The following TGOLN2 variants were observed in gnomAD, a reference collection of about 807,000 sequenced individuals.
TGOLN2 encodes the protein trans-Golgi network integral membrane protein 2.
TGOLN2 carries 19 observed loss-of-function variants against 31.3 expected under a neutral mutation model. The observed-to-expected ratio is 0.61, with a 90% confidence interval of 0.42 to 0.89. The LOEUF (loss-of-function observed/expected upper bound fraction) is 0.89. Among genes scored for constraint, TGOLN2 ranks in the 40% least tolerant of loss-of-function variants. The probability of loss-of-function intolerance (pLI) is 0.00; values close to 1 mark genes in which losing one functional copy is unlikely to be tolerated. For missense variants in TGOLN2, 540 were observed against 559.2 expected (o/e 0.97, Z 0.35); for synonymous variants, 222 against 226.7 (o/e 0.98, Z 0.19).
rs1682562100 is a variant in TGOLN2, at chr2:85,321,912, T to A, written c.*824A>T. 1 of 152,244 alleles carries A rather than the reference T, an allele frequency of 6.6e-6. No individual in the cohort carries two copies. The highest frequency in any genetic ancestry group is 2.1e-4 in the South Asian group (1 of 4,834). 9.4% of individuals were successfully genotyped at this position (152,244 alleles called of 1,614,324 possible). A position where few individuals can be genotyped will look rare whatever the true frequency, so the allele number is the denominator to read the frequency against. On this transcript the variant is annotated 3_prime_UTR_variant, in exon 4 of 4. Transcript: ENST00000377386. ...AGTATGATTGTGTGAAAGATCACAC[T>A]ACTTCAAATCATATTTATTTTAAAA...
At position 85,319,510 on chromosome 2, in the gene TGOLN2, C is replaced by T. The variant is rs1682478568; in HGVS notation, c.*3226G>A. On this transcript the variant is annotated 3_prime_UTR_variant, in exon 4 of 4. Coordinates refer to ENST00000377386, the MANE Select transcript of TGOLN2 (RefSeq NM_006464.4). The stretch of plus-strand genomic sequence containing the variant: ...GCAATTTCTAAAGAGAAACTTAAAT[C>T]CTGTTGTATTCTTTCAACACAAGCA... 1 of 152,082 alleles carries T rather than the reference C, an allele frequency of 6.6e-6. No homozygotes were observed. The highest frequency in any genetic ancestry group is 2.4e-5 in the African/African-American group (1 of 41,408). The allele number at this position is 152,082 out of a possible 1,614,324, so 9.4% of individuals were successfully genotyped here. A position where few individuals can be genotyped will look rare whatever the true frequency, so the allele number is the denominator to read the frequency against.
rs758478197 is a variant in TGOLN2 at position 85,324,912 on chromosome 2, T to C, written c.1308+3A>G. The C allele has an allele frequency of 7.1e-6, 11 of 1,553,816 alleles. No individual in the cohort carries two copies. The South Asian group carries it at 1.1e-4, about 15-fold the overall frequency. On this transcript the variant is annotated splice_donor_region_variant and intron_variant, in intron 3 of 3. Coordinates refer to ENST00000377386, the MANE Select transcript of TGOLN2 (RefSeq NM_006464.4). The stretch of plus-strand genomic sequence containing the variant: ...CCCATGGACCTGGCTCCTCCTTCCT[T>C]ACCTTCTGGTCCAAACGTTGGTAGT...
At chr2:85,324,818 A>G in intron 3 of TGOLN2, 97 bp downstream of exon 3, 2 of 1,114,816 alleles carry the variant, frequency 1.8e-6, no homozygotes, top group South Asian at 2.7e-5. Flanking sequence ...AGAATCAGCC[A>G]CTGCTGCTTC....
Position 85,320,442 on chromosome 2 carries a change from A to T in TGOLN2, c.*2294T>A, listed in dbSNP as rs918670797. 1 of 152,170 alleles carries T rather than the reference A, an allele frequency of 6.6e-6. No homozygotes were observed. The highest frequency in any genetic ancestry group is 2.4e-5 in the African/African-American group (1 of 41,434). 9.4% of individuals were successfully genotyped at this position (152,170 alleles called of 1,614,324 possible). A position where few individuals can be genotyped will look rare whatever the true frequency, so the allele number is the denominator to read the frequency against. On this transcript the variant is annotated 3_prime_UTR_variant, in exon 4 of 4. Coordinates refer to ENST00000377386, the MANE Select transcript of TGOLN2 (RefSeq NM_006464.4). ...GAAAATGGAAAGACTGTAGCTGAGG[A>T]TCTTTTATTAAAAAAAAATGGATGG... is the stretch of plus-strand genomic sequence containing the variant.
chr2:85,320,476 T>G lies in TGOLN2; in HGVS notation c.*2260A>C. 6.6e-6 allele frequency: 1 copy of G among 150,906 alleles called. No homozygotes were observed. The highest frequency in any genetic ancestry group is 1.5e-5 in the Non-Finnish European group (1 of 67,774). 9.3% of individuals were successfully genotyped at this position (150,906 alleles called of 1,614,324 possible). A position where few individuals can be genotyped will look rare whatever the true frequency, so the allele number is the denominator to read the frequency against. On this transcript the variant is annotated 3_prime_UTR_variant, in exon 4 of 4. Transcript: ENST00000377386. ...TAAAAAAAAATGGATGGGACTTTGG[T>G]GATGAGAGAGAAAAAGGGCAAAAGT... is the stretch of plus-strand genomic sequence containing the variant.
rs1415257993 is a variant in TGOLN2 at position 85,321,435 on chromosome 2, C to T, written c.*1301G>A. Reference sequence around the variant, plus strand: ...AATTCATCTTATTTCCCTCATCTCCCAAGTTATTTGTATTTCCCTGAGATC... The same window carrying T: ...AATTCATCTTATTTCCCTCATCTCCTAAGTTATTTGTATTTCCCTGAGATC... On this transcript the variant is annotated 3_prime_UTR_variant, in exon 4 of 4. Transcript: ENST00000377386. 2 of 152,618 alleles carry T rather than the reference C, an allele frequency of 1.3e-5. No individual in the cohort carries two copies. The highest frequency in any genetic ancestry group is 6.5e-5 in the Admixed American group (1 of 15,278). The allele number at this position is 152,618 out of a possible 1,614,324, so 9.5% of individuals were successfully genotyped here. A position where few individuals can be genotyped will look rare whatever the true frequency, so the allele number is the denominator to read the frequency against.
chr2:85,327,170 T>A lies in TGOLN2; in HGVS notation c.562A>T (p.Thr188Ser). 8.7e-6 allele frequency: 14 copies of A among 1,613,562 alleles called. No individual in the cohort carries two copies. Among genetic ancestry groups the A allele is most frequent in the Non-Finnish European group, 1.2e-5 (14 of 1,179,796 alleles). The change falls in exon 2 of 4, where the codon ACC becomes TCC. Residue 188 changes from threonine (T) to serine (S), a missense_variant. Thr to Ser is a moderately conservative substitution (Grantham distance 58, BLOSUM62 1). Coordinates refer to ENST00000377386, the MANE Select transcript of TGOLN2 (RefSeq NM_006464.4). ...GACTTGCTGGAGCCGTCTTTTGGGG[T>A]CTGGCCGTCCGCACCCGACTTATTA... ...VPNKSGADGQ[T>S]PKDGSSKSGA...
Position 85,326,862 on chromosome 2 carries a change from A to G in TGOLN2, c.870T>C (p.Ser290=). The part of the protein sequence containing the change: ...TNQLADKGKL[S]PHAFKTESGE... ...CAGATTCGGTTTTGAAAGCATGAGG[A>G]GAAAGCTTCCCTTTGTCAGCAAGCT... The change falls in exon 2 of 4, where the codon TCT becomes TCC. Residue 290 remains serine, a synonymous_variant. Coordinates refer to ENST00000377386, the MANE Select transcript of TGOLN2 (RefSeq NM_006464.4). 1 of 1,614,026 alleles carries G rather than the reference A, an allele frequency of 6.2e-7. No individual in the cohort carries two copies. Among genetic ancestry groups the G allele is most frequent in the East Asian group, 2.2e-5 (1 of 44,890 alleles).
At chr2:85,323,606 T>TAG (rs1378124887) in intron 3 of TGOLN2, among the ~76,000 whole-genome samples, 1 of 152,156 alleles carries the variant, frequency 6.6e-6, no homozygotes, top group Non-Finnish European at 1.5e-5. Flanking sequence ...GGAAAACCCT[T>TAG]AAAGTCAATT....
chr2:85,327,798 G>GT, intron 1 of TGOLN2, 113 bp from the exon 2 acceptor site: 3 of 1,473,582 alleles, frequency 2.0e-6, no homozygotes, highest in Non-Finnish European at 2.8e-6. Context: ...GGTGGGGCGG[G>GT]AGACGATGGC....
In TGOLN2 at chr2:85,326,543, C is replaced by A. The variant is rs1223540378; in HGVS notation, c.1189G>T (p.Ala397Ser). 6.2e-7 allele frequency: 1 copy of A among 1,613,768 alleles called. No homozygotes were observed. Among genetic ancestry groups the A allele is most frequent in the East Asian group, 2.2e-5 (1 of 44,894 alleles). The part of the protein sequence containing the change: ...AYLVTAAILV[A>S]VLYIAHHNKR... ...TTGTGATGAGCGATATAGAGGACAG[C>A]CACAAGAATGGCTGCAGTCACCAGA... The change falls in exon 2 of 4, where the codon GCT (alanine) becomes TCT (serine). Residue 397 changes from alanine (A) to serine (S), a missense_variant. By Grantham distance (99) the Ala-to-Ser change is moderately conservative. Coordinates refer to ENST00000377386, the MANE Select transcript of TGOLN2 (RefSeq NM_006464.4).
At chr2:85,325,274 G>A (rs1310604601) in intron 2 of TGOLN2, among the ~76,000 whole-genome samples, 1 of 152,080 alleles carries the variant, frequency 6.6e-6, no homozygotes, top group African/African-American at 2.4e-5. Context: ...TTATTCAAAG[G>A]TACACAGTCA....
rs1210359575 is a variant in TGOLN2 at position 85,322,625 on chromosome 2, C to A, written c.*111G>T. 3.2e-6 allele frequency: 5 copies of A among 1,562,018 alleles called. No individual in the cohort carries two copies. Among genetic ancestry groups the A allele is most frequent in the Non-Finnish European group, 4.3e-6 (5 of 1,161,488 alleles). The stretch of plus-strand genomic sequence containing the variant: ...TTCTTCATTTCTTTTGATTTAGAAA[C>A]AAATCAGCAGGGAGGACAAGGTTCT... On this transcript the variant is annotated 3_prime_UTR_variant, in exon 4 of 4. Coordinates refer to ENST00000377386, the MANE Select transcript of TGOLN2 (RefSeq NM_006464.4).
intron 2 of TGOLN2, 36 bp from the exon 3 acceptor site, chr2:85,325,034 C>T: frequency 6.5e-7 from 1 of 1,543,130 alleles, no homozygotes; most frequent in Non-Finnish European, 8.8e-7. Context: ...TAACAGGTGG[C>T]TCTGTAATGA....
Position 85,322,221 on chromosome 2 carries a change from C to G in TGOLN2, c.*515G>C, listed in dbSNP as rs1001134820. The G allele has an allele frequency of 3.1e-4, 53 of 168,550 alleles. No homozygotes were observed. Among genetic ancestry groups the G allele is most frequent in the Admixed American group, 1.9e-3 (29 of 15,414 alleles). The allele number at this position is 168,550 out of a possible 1,614,324, so 10.4% of individuals were successfully genotyped here. ...CTTCTATGTCTTCTGTAGGGCACAT[C>G]CCCCCCAAAGTAAGAGGCCTTAGTA... On this transcript the variant is annotated 3_prime_UTR_variant, in exon 4 of 4. Coordinates refer to ENST00000377386, the MANE Select transcript of TGOLN2 (RefSeq NM_006464.4).
Position 85,326,775 on chromosome 2 carries a change from C to T in TGOLN2, c.957G>A (p.Glu319=), listed in dbSNP as rs1247849886. ...CTTCAGCCTCTTTGGGCTCCACATC[C>T]TCAGTAGGCTCTGAAGACTTAACTT... is the stretch of plus-strand genomic sequence containing the variant. The part of the protein sequence containing the change: ...QEEVKSSEPT[E]DVEPKEAEDD... Residue 319 remains glutamate (E), a synonymous_variant, in exon 2 of 4, where the codon GAG becomes GAA. Transcript: ENST00000377386. 6.2e-7 allele frequency: 1 copy of T among 1,614,052 alleles called. No homozygotes were observed. The highest frequency in any genetic ancestry group is 8.5e-7 in the Non-Finnish European group (1 of 1,179,900).
chr2:85,326,535 G>A lies in TGOLN2; in HGVS notation c.1197C>T (p.Leu399=). 3 of 1,613,900 alleles carry A rather than the reference G, an allele frequency of 1.9e-6. No homozygotes were observed. Among genetic ancestry groups the A allele is most frequent in the Non-Finnish European group, 2.5e-6 (3 of 1,179,894 alleles). Residue 399 remains leucine (L), a synonymous_variant, in exon 2 of 4, where the codon CTC becomes CTT. Transcript: ENST00000377386. The part of the protein sequence containing the change: ...LVTAAILVAV[L]YIAHHNKRKI... ...TCCGCTTGTTGTGATGAGCGATATA[G>A]AGGACAGCCACAAGAATGGCTGCAG...
Position 85,327,032 on chromosome 2 carries a change from C to A in TGOLN2, c.700G>T (p.Gly234Trp). 6.4e-7 allele frequency: 1 copy of A among 1,560,086 alleles called. No individual in the cohort carries two copies. The highest frequency in any genetic ancestry group is 8.7e-7 in the Non-Finnish European group (1 of 1,154,446). ...TCCTCCGCACCCGACTTGCTGGGCC[C>A]GTCTATTGGGCCCTGCTCCTCTGCA... ...SGAEEQGPID[G>W]PSKSGAEEQT... The change falls in exon 2 of 4, where the codon GGG (glycine) becomes TGG (tryptophan). Residue 234 changes from glycine (G) to tryptophan (W), a missense_variant. Gly to Trp is a radical substitution (Grantham distance 184, BLOSUM62 -2). Coordinates refer to ENST00000377386, the MANE Select transcript of TGOLN2 (RefSeq NM_006464.4).
intron 3 of TGOLN2, among the ~76,000 whole-genome samples, chr2:85,324,171 T>G (rs1682648368): frequency 1.3e-5 from 2 of 152,122 alleles, no homozygotes; most frequent in Non-Finnish European, 2.9e-5. Flanking sequence ...GCCTGTAATC[T>G]CAGCACTTTG....
Sources: gnomAD v4.1 joint callset for allele counts (sites outside exome capture counted in the v4.1 genomes callset) on GRCh38, gnomAD v4.1.1 for gene constraint, MANE v1.5 for transcripts, NCBI Gene and HGNC (gene_info 2026-07-23, HGNC 2026-07-21) for gene names.